The following RHOJ variants were observed in gnomAD, a reference collection of about 807,000 sequenced individuals.
The protein encoded by RHOJ is ras homolog family member J.
A neutral mutation model predicts 23.4 loss-of-function variants in RHOJ; 11 were observed. The ratio of observed to expected loss-of-function variants is 0.47; its 90% CI spans 0.30 to 0.78. The LOEUF (loss-of-function observed/expected upper bound fraction) is 0.78, where lower values mean the gene tolerates loss of function less well. RHOJ is among the 30% of genes least tolerant of loss of function. The pLI is 0.08. For synonymous variants in RHOJ, 102 were observed against 102.7 expected (o/e 0.99, Z 0.04); for missense variants, 254 against 273.4 (o/e 0.93, Z 0.50).
chr14:63,249,050 C>T (rs1434048530), intron 1 of RHOJ, among the ~76,000 whole-genome samples: 2 of 152,194 alleles, frequency 1.3e-5, no homozygotes, highest in African/African-American at 4.8e-5. Flanking sequence ...ATGGGATATA[C>T]AACAGGTTTA....
chr14:63,238,482 T>C (rs1218355840), intron 1 of RHOJ, among the ~76,000 whole-genome samples: 2 of 152,166 alleles, frequency 1.3e-5, no homozygotes, highest in Non-Finnish European at 2.9e-5. Context: ...AGTGGTGCCA[T>C]CTCAGCTCAC....
Position 63,257,795 on chromosome 14 carries a change from G to A in RHOJ, c.179-11315G>A, listed in dbSNP as rs187702188. 1.7e-3 allele frequency among the ~76,000 whole-genome samples: 256 copies of A among 147,866 alleles called. 16 individuals are homozygous for A. In the Middle Eastern group the frequency reaches 0.024, roughly 14 times the overall value. On this transcript the variant is annotated intron_variant, in intron 1 of 4. Coordinates refer to ENST00000316754, the MANE Select transcript of RHOJ (RefSeq NM_020663.5). Reference sequence around the variant, plus strand: ...ATCACCCCTCCCCAGCCTTTCTCCCGTGCCAGGTCCTGAATACCTTGCTCC... The same window carrying A: ...ATCACCCCTCCCCAGCCTTTCTCCCATGCCAGGTCCTGAATACCTTGCTCC...
chr14:63,284,777 C>T (rs1882027739), intron 4 of RHOJ, among the ~76,000 whole-genome samples: 2 of 152,192 alleles, frequency 1.3e-5, no homozygotes, highest in East Asian at 1.9e-4. Flanking sequence ...CAGGAACTCG[C>T]GTTCTGTGTT....
At chr14:63,274,011 C>T (rs751074447) in intron 2 of RHOJ, among the ~76,000 whole-genome samples, 1 of 152,216 alleles carries the variant, frequency 6.6e-6, no homozygotes, top group Non-Finnish European at 1.5e-5. Flanking sequence ...GCCCCTCACT[C>T]GCCCAGGGCT....
chr14:63,219,724 G>A lies in RHOJ; in HGVS notation c.178+14677G>A, dbSNP rs546467591. ...CCAGCTACTTGGGAGGCTGAGGCAC[G>A]AGAATCACTTGAACCCAGGAGGCGG... On this transcript the variant is annotated intron_variant, in intron 1 of 4. Coordinates refer to ENST00000316754, the MANE Select transcript of RHOJ (RefSeq NM_020663.5). Among the ~76,000 whole-genome samples, 10 of 151,738 alleles carry A rather than the reference G, an allele frequency of 6.6e-5. No individual in the cohort carries two copies. The East Asian group carries it at 1.6e-3, about 24-fold the overall frequency.
intron 1 of RHOJ, among the ~76,000 whole-genome samples, chr14:63,261,279 G>T (rs991155434): frequency 1.3e-5 from 2 of 151,928 alleles, no homozygotes; most frequent in South Asian, 2.1e-4. Flanking sequence ...ATGTATCAAA[G>T]ATATAATCTT....
At chr14:63,216,000 A>G (rs985888894) in intron 1 of RHOJ, among the ~76,000 whole-genome samples, 1 of 152,214 alleles carries the variant, frequency 6.6e-6, no homozygotes, top group Non-Finnish European at 1.5e-5. Flanking sequence ...ATAATTTTCT[A>G]TGTTGAAATT....
intron 4 of RHOJ, among the ~76,000 whole-genome samples, chr14:63,288,836 C>G (rs767297939): frequency 7.9e-5 from 12 of 152,074 alleles, no homozygotes; most frequent in Admixed American, 2.0e-4. Flanking sequence ...CTGGGCCCAA[C>G]CAAAACCACT....
At chr14:63,250,010 T>C (rs758011360) in intron 1 of RHOJ, among the ~76,000 whole-genome samples, 2 of 152,146 alleles carry the variant, frequency 1.3e-5, no homozygotes, top group Admixed American at 6.5e-5. Flanking sequence ...AATTTGGAAA[T>C]AGGGGGAAAT....
rs529664976 is a variant in RHOJ, at chr14:63,289,914, GT to G, written c.499-954del. ...TTGTTATTGTTACATGTTTTAGTGG[GT>G]TTTTTTTTTAACTTTTTAAAAAATA... is the stretch of plus-strand genomic sequence containing the variant. On this transcript the variant is annotated intron_variant, in intron 4 of 4. Coordinates refer to ENST00000316754, the MANE Select transcript of RHOJ (RefSeq NM_020663.5). 6.7e-4 allele frequency among the ~76,000 whole-genome samples: 99 copies of G among 148,480 alleles called. 1 individual carries two copies. The highest frequency in any genetic ancestry group is 1.9e-3 in the South Asian group (9 of 4,676).
chr14:63,247,654 G>A (rs1048111197), intron 1 of RHOJ, among the ~76,000 whole-genome samples: 1 of 152,118 alleles, frequency 6.6e-6, no homozygotes, highest in Non-Finnish European at 1.5e-5. Flanking sequence ...AATGATAGGG[G>A]CATCATCATG....
chr14:63,251,854 G>T (rs945558148), intron 1 of RHOJ, among the ~76,000 whole-genome samples: 5 of 152,028 alleles, frequency 3.3e-5, no homozygotes, highest in South Asian at 4.2e-4. Flanking sequence ...GTCACAGTGG[G>T]TCACGCCTGT....
At chr14:63,286,152 T>C (rs1882076559) in intron 4 of RHOJ, among the ~76,000 whole-genome samples, 1 of 152,200 alleles carries the variant, frequency 6.6e-6, no homozygotes, top group African/African-American at 2.4e-5. Context: ...TCTTCCTGAC[T>C]GGAAGAGTCA....
chr14:63,262,879 T>C (rs906358508), intron 1 of RHOJ, among the ~76,000 whole-genome samples: 4 of 152,240 alleles, frequency 2.6e-5, no homozygotes, highest in East Asian at 1.9e-4. Context: ...ATACCTATTA[T>C]AGGGTAGAAA....
chr14:63,255,661 C>T (rs80342473), intron 1 of RHOJ, among the ~76,000 whole-genome samples: 2,484 of 151,698 alleles, frequency 0.016, 79 homozygotes, highest in African/African-American at 0.057. Context: ...CCCTGCTTGC[C>T]GCCCTGTCTC....
chr14:63,285,462 T>C (rs183654662), intron 4 of RHOJ, among the ~76,000 whole-genome samples: 4 of 152,348 alleles, frequency 2.6e-5, no homozygotes, highest in Non-Finnish European at 4.4e-5. Context: ...ATCTGATTCT[T>C]TCTGTTCAAT....
Position 63,281,097 on chromosome 14 carries a change from T to C in RHOJ, c.364T>C (p.Cys122Arg), listed in dbSNP as rs1019900280. The change falls in exon 3 of 5, where the codon TGC becomes CGC. Residue 122 changes from cysteine (C) to arginine (R), a missense_variant. By Grantham distance (180) the Cys-to-Arg change is radical (BLOSUM62 -3). Transcript: ENST00000316754. ...GGAATGGGTCCCCGAGCTCAAGGAC[T>C]GCATGCCTCACGTGCCTTATGTCCT... is the stretch of plus-strand genomic sequence containing the variant. ...QEEWVPELKDCMPHVPYVLIG... is the reference protein window; with the variant it reads ...QEEWVPELKDRMPHVPYVLIG... The C allele has an allele frequency of 3.1e-6, 5 of 1,614,016 alleles. No homozygotes were observed. Among genetic ancestry groups the C allele is most frequent in the Non-Finnish European group, 4.2e-6 (5 of 1,179,954 alleles).
chr14:63,230,975 G>C (rs1052422612), intron 1 of RHOJ, among the ~76,000 whole-genome samples: 1 of 148,420 alleles, frequency 6.7e-6, no homozygotes, highest in Non-Finnish European at 1.5e-5. Flanking sequence ...TGCAACCTCC[G>C]CCTCCTGGGT....
At chr14:63,256,363 C>T (rs868398116) in intron 1 of RHOJ, among the ~76,000 whole-genome samples, 4 of 152,212 alleles carry the variant, frequency 2.6e-5, no homozygotes, top group Admixed American at 6.5e-5. Flanking sequence ...CTCTGCTAGA[C>T]ATTTGTCCTT....
Sources: allele counts gnomAD v4.1 joint callset (sites outside exome capture counted in the v4.1 genomes callset), GRCh38; gene constraint gnomAD v4.1.1; transcripts MANE v1.5; gene names NCBI Gene and HGNC (gene_info 2026-07-23, HGNC 2026-07-21).